Variants in ADAMTSL1 observed in about 807,000 individuals in gnomAD.
ADAMTSL1 encodes ADAMTS like 1.
A neutral mutation model predicts 201.8 loss-of-function variants in ADAMTSL1; 126 were observed. The ratio of observed to expected loss-of-function variants is 0.62; its 90% CI spans 0.54 to 0.72. The LOEUF is 0.72. ADAMTSL1 is among the 30% of genes least tolerant of loss of function. ADAMTSL1 has a pLI of 0.00. For missense variants in ADAMTSL1, 2,679 were observed against 2,277.8 expected, an observed-to-expected ratio of 1.18 and a Z score of -3.59; for synonymous variants, 1,121 against 903.4, an observed-to-expected ratio of 1.24 and a Z score of -4.32.
chr9:17,936,425 C>G (rs1220795315), intron 1 of ADAMTSL1, among the ~76,000 whole-genome samples: 1 of 152,186 alleles, frequency 6.6e-6, no homozygotes, highest in Non-Finnish European at 1.5e-5. Flanking sequence ...ACCAAGTTCT[C>G]TCTCATCCCC....
At chr9:18,318,201 T>C (rs1355034823) in intron 2 of ADAMTSL1, among the ~76,000 whole-genome samples, 1 of 152,232 alleles carries the variant, frequency 6.6e-6, no homozygotes, top group Admixed American at 6.5e-5. Context: ...GTTCACTGTA[T>C]GTTCTTCAAC....
intron 2 of ADAMTSL1, among the ~76,000 whole-genome samples, chr9:18,361,763 T>C (rs530900231): frequency 6.6e-6 from 1 of 152,328 alleles, no homozygotes; most frequent in East Asian, 1.9e-4. Flanking sequence ...GGAGACTTTG[T>C]AGCTTAGTGA....
intron 2 of ADAMTSL1, among the ~76,000 whole-genome samples, chr9:18,285,568 C>T (rs892125024): frequency 6.6e-6 from 1 of 151,844 alleles, no homozygotes; most frequent in African/African-American, 2.4e-5. Context: ...TAGCTATAAC[C>T]TACTTTCATT....
chr9:18,173,785 C>T (rs574773675), intron 2 of ADAMTSL1, among the ~76,000 whole-genome samples: 2 of 152,182 alleles, frequency 1.3e-5, no homozygotes, highest in African/African-American at 4.8e-5. Context: ...ATAAATAACA[C>T]GTGTGAATTT....
Position 18,892,491 on chromosome 9 carries a change from C to T in ADAMTSL1, c.4746C>T (p.Thr1582=), listed in dbSNP as rs1300899110. ...AGCTGAAAGCCTCTGGGATCTCCAC[C>T]CCTGTGTCCAATGACATGTGCACCC... ...CQKLKASGIS[T]PVSNDMCTQV... is the part of the protein sequence containing the mutation. Residue 1582 remains threonine, a synonymous_variant, in exon 26 of 29, where the codon ACC becomes ACT. Coordinates refer to ENST00000380548, the MANE Select transcript of ADAMTSL1 (RefSeq NM_001040272.6). The T allele has an allele frequency of 6.2e-7, 1 of 1,609,754 alleles. No homozygotes were observed. The highest frequency in any genetic ancestry group is 8.5e-7 in the Non-Finnish European group (1 of 1,178,188).
At chr9:18,769,308 T>TA (rs1362653701) in intron 16 of ADAMTSL1, among the ~76,000 whole-genome samples, 2 of 152,168 alleles carry the variant, frequency 1.3e-5, no homozygotes, top group African/African-American at 2.4e-5. Flanking sequence ...TCACGCTTTT[T>TA]AAAACCAGGC....
chr9:18,502,325 A>G (rs1203609033), intron 1 of ADAMTSL1, among the ~76,000 whole-genome samples: 1 of 152,222 alleles, frequency 6.6e-6, no homozygotes, highest in Non-Finnish European at 1.5e-5. Context: ...ATCGCATTGC[A>G]GAGATATATA....
intron 23 of ADAMTSL1, among the ~76,000 whole-genome samples, chr9:18,881,600 C>T (rs1157142602): frequency 2.0e-5 from 3 of 152,100 alleles, no homozygotes; most frequent in African/African-American, 7.2e-5. Context: ...ATAACCGTAA[C>T]AGATAATAAT....
intron 26 of ADAMTSL1, among the ~76,000 whole-genome samples, chr9:18,899,678 G>A (rs4977461): frequency 0.71 from 107,462 of 151,628 alleles, 38,726 homozygotes; most frequent in African/African-American, 0.86. Flanking sequence ...TGACAAAAAC[G>A]AGTAATGGAG....
chr9:18,535,647 A>G (rs1316818426), intron 3 of ADAMTSL1, among the ~76,000 whole-genome samples: 1 of 152,210 alleles, frequency 6.6e-6, no homozygotes, highest in East Asian at 1.9e-4. Flanking sequence ...TAATTTGGAA[A>G]AAAGAGATTT....
At chr9:18,817,514 AG>A (rs1419286574) in intron 21 of ADAMTSL1, among the ~76,000 whole-genome samples, 14 of 152,202 alleles carry the variant, frequency 9.2e-5, no homozygotes, top group Admixed American at 9.2e-4. Context: ...GAACCTGCAA[AG>A]ATGGGGGCAA....
intron 2 of ADAMTSL1, among the ~76,000 whole-genome samples, chr9:18,263,421 C>A (rs1461763379): frequency 1.3e-5 from 2 of 152,180 alleles, no homozygotes; most frequent in Admixed American, 1.3e-4. Flanking sequence ...GTTGCTTCCT[C>A]CGTGTGCCTC....
intron 1 of ADAMTSL1, among the ~76,000 whole-genome samples, chr9:18,080,922 G>C (rs116318452): frequency 1.3e-5 from 2 of 152,040 alleles, no homozygotes; most frequent in African/African-American, 4.8e-5. Flanking sequence ...ATTTGTAACC[G>C]TAATTCTAAC....
intron 4 of ADAMTSL1, among the ~76,000 whole-genome samples, chr9:18,587,397 C>G (rs1470390515): frequency 6.6e-6 from 1 of 152,134 alleles, no homozygotes; most frequent in Non-Finnish European, 1.5e-5. Flanking sequence ...ATCAAAACCA[C>G]AGTGAGATAC....
intron 3 of ADAMTSL1, among the ~76,000 whole-genome samples, chr9:18,554,168 T>G (rs184263974): frequency 2.0e-5 from 3 of 151,754 alleles, no homozygotes; most frequent in Admixed American, 2.0e-4. Flanking sequence ...AGTTCTGTTT[T>G]TTTTTTAAAT....
At chr9:18,688,076 A>G (rs555752921) in intron 13 of ADAMTSL1, among the ~76,000 whole-genome samples, 1 of 151,500 alleles carries the variant, frequency 6.6e-6, no homozygotes, top group Admixed American at 6.6e-5. Context: ...TTCATGTGGT[A>G]GAAAGGTAGG....
At chr9:18,098,700 C>T (rs1384939218) in intron 1 of ADAMTSL1, among the ~76,000 whole-genome samples, 3 of 152,286 alleles carry the variant, frequency 2.0e-5, no homozygotes, top group East Asian at 3.9e-4. Context: ...CTGTGTCTTG[C>T]TTTATTTCAC....
chr9:18,301,629 C>T (rs1833713986), intron 2 of ADAMTSL1, among the ~76,000 whole-genome samples: 1 of 152,194 alleles, frequency 6.6e-6, no homozygotes, highest in Non-Finnish European at 1.5e-5. Flanking sequence ...TTATTGTACT[C>T]TCCTCGCCTA....
intron 4 of ADAMTSL1, among the ~76,000 whole-genome samples, chr9:18,621,065 G>A (rs1006158031): frequency 6.6e-6 from 1 of 152,174 alleles, no homozygotes; most frequent in Non-Finnish European, 1.5e-5. Context: ...AAGACGAACT[G>A]TGAGGACTTT....
Sources: allele counts gnomAD v4.1 joint callset (sites outside exome capture counted in the v4.1 genomes callset), GRCh38; gene constraint gnomAD v4.1.1; transcripts MANE v1.5; gene names NCBI Gene and HGNC (gene_info 2026-07-23, HGNC 2026-07-21).